Variants in KNDC1 observed in about 807,000 individuals in gnomAD.
KNDC1 encodes the protein kinase non-catalytic C-lobe domain-containing protein 1.
KNDC1 carries 106 observed loss-of-function variants against 172.8 expected under a neutral mutation model. The ratio of observed to expected loss-of-function variants is 0.61; its 90% CI spans 0.52 to 0.72. The LOEUF is 0.72. Ranked by LOEUF, KNDC1 falls within the 30% of genes least tolerant of loss-of-function variation. The pLI, the probability that KNDC1 is intolerant of heterozygous loss-of-function variation, is 0.00. For missense variants in KNDC1, 2,325 were observed against 2,394.5 expected, an observed-to-expected ratio of 0.97 and a Z score of 0.61; for synonymous variants, 1,083 against 1,062.2, an observed-to-expected ratio of 1.02 and a Z score of -0.38.
chr10:133,222,009 C>CAGCCACTCACGCCTGTAACCCTA, intron 29 of KNDC1, among the ~76,000 whole-genome samples: 1 of 143,904 alleles, frequency 6.9e-6, no homozygotes, highest in South Asian at 2.3e-4. Context: ...GGGCCGGGCG[C>CAGCCACTCACGCCTGTAACCCTA]GGTGGCTCAC....
rs1854394408 is a variant in KNDC1, at chr10:133,202,188, GC to G, written c.3387+294del. On this transcript the variant is annotated intron_variant, in intron 17 of 29. Transcript: ENST00000304613. ...CGCCCGGGCGATGGGTTCACAGGAG[GC>G]CCCTCCATGCTCGTGACCAGGTTGC... The G allele has an allele frequency of 4.4e-6, 3 of 674,282 alleles. No homozygotes were observed. In the East Asian group the frequency reaches 8.7e-5, roughly 19 times the overall value. 41.8% of individuals were successfully genotyped at this position (674,282 alleles called of 1,614,324 possible).
intron 3 of KNDC1, among the ~76,000 whole-genome samples, chr10:133,180,321 T>G (rs898953446): frequency 3.3e-5 from 5 of 152,172 alleles, no homozygotes; most frequent in African/African-American, 1.2e-4. Flanking sequence ...CCCGTATGGC[T>G]CTGCACCTCG....
intron 20 of KNDC1, among the ~76,000 whole-genome samples, chr10:133,207,850 C>T (rs146508324): frequency 6.3e-4 from 96 of 152,308 alleles, no homozygotes; most frequent in African/African-American, 2.2e-3. Context: ...AGGGAGGAGC[C>T]GCCGGGCCCA....
Position 133,198,847 on chromosome 10 carries a change from C to G in KNDC1, c.2339C>G (p.Ser780Cys), listed in dbSNP as rs777686953. ...PEGASSAAPG[S>C]PVPAPPTKAS... ...GGGGCCTCATCGGCAGCTCCCGGCT[C>G]TCCAGTCCCCGCCCCGCCCACGAAG... The change falls in exon 14 of 30, where the codon TCT (serine) becomes TGT (cysteine). Residue 780 changes from serine to cysteine, a missense_variant. Transcript: ENST00000304613. 2 of 1,599,324 alleles carry G rather than the reference C, an allele frequency of 1.3e-6. No individual in the cohort carries two copies. The highest frequency in any genetic ancestry group is 8.5e-7 in the Non-Finnish European group (1 of 1,175,654).
At chr10:133,166,098 C>A (rs1169326196) in intron 1 of KNDC1, among the ~76,000 whole-genome samples, 3 of 152,204 alleles carry the variant, frequency 2.0e-5, no homozygotes, top group Non-Finnish European at 4.4e-5. Flanking sequence ...GCCTGGGGGG[C>A]CTCTTGCAGT....
At chr10:133,218,319 G>T (rs1195920363) in intron 26 of KNDC1, among the ~76,000 whole-genome samples, 2 of 152,254 alleles carry the variant, frequency 1.3e-5, no homozygotes, top group Non-Finnish European at 2.9e-5. Context: ...ACCAAGGCCA[G>T]CAAGGTCGTC....
intron 17 of KNDC1, among the ~76,000 whole-genome samples, chr10:133,205,378 G>A (rs535388207): frequency 7.2e-5 from 11 of 152,366 alleles, no homozygotes; most frequent in African/African-American, 2.4e-4. Flanking sequence ...GGACCTGCCC[G>A]TCTGGCCTCA....
At chr10:133,204,804 A>G (rs944773117) in intron 17 of KNDC1, among the ~76,000 whole-genome samples, 1 of 152,120 alleles carries the variant, frequency 6.6e-6, no homozygotes, top group Non-Finnish European at 1.5e-5. Context: ...CGGCTCGCGG[A>G]TGAGCCCCTC....
At chr10:133,165,958 C>A (rs748420680) in intron 1 of KNDC1, among the ~76,000 whole-genome samples, 51 of 152,324 alleles carry the variant, frequency 3.3e-4, no homozygotes, top group Non-Finnish European at 7.4e-5. Flanking sequence ...AGGAGATGGA[C>A]GGGATGTGCC....
chr10:133,182,104 G>A (rs1853734641), intron 3 of KNDC1, among the ~76,000 whole-genome samples: 1 of 152,212 alleles, frequency 6.6e-6, no homozygotes, highest in African/African-American at 2.4e-5. Context: ...CCCTGAGACA[G>A]ACCCTGACAG....
rs779575778 is a variant in KNDC1 at position 133,211,407 on chromosome 10, C to T, written c.3909-15C>T. 1 of 1,609,206 alleles carries T rather than the reference C, an allele frequency of 6.2e-7. No homozygotes were observed. Among genetic ancestry groups the T allele is most frequent in the East Asian group, 2.2e-5 (1 of 44,824 alleles). Reference sequence around the variant, plus strand: ...CCCACATCCTGGCAGCTCAGCAGCTCCCCTGCGTCTCCAGGGCCCACCAGG... The same window carrying T: ...CCCACATCCTGGCAGCTCAGCAGCTTCCCTGCGTCTCCAGGGCCCACCAGG... On this transcript the variant is annotated splice_polypyrimidine_tract_variant and intron_variant, in intron 21 of 29. Transcript: ENST00000304613.
chr10:133,191,840 C>CGAGCCTG (rs751441344), intron 9 of KNDC1, among the ~76,000 whole-genome samples: 93 of 152,226 alleles, frequency 6.1e-4, no homozygotes, highest in Admixed American at 2.0e-3. Flanking sequence ...CAGCAAGGGC[C>CGAGCCTG]GAGCCTGGAG....
intron 9 of KNDC1, among the ~76,000 whole-genome samples, chr10:133,193,962 C>A (rs139602038): frequency 2.2e-4 from 33 of 152,286 alleles, no homozygotes; most frequent in African/African-American, 7.5e-4. Flanking sequence ...CAGATGAATC[C>A]ACAATTATAG....
intron 3 of KNDC1, among the ~76,000 whole-genome samples, chr10:133,171,824 C>T (rs1172595164): frequency 2.6e-5 from 4 of 151,924 alleles, no homozygotes; most frequent in African/African-American, 9.7e-5. Context: ...TTAGGTTGCC[C>T]AGGCTGGTCT....
intron 9 of KNDC1, among the ~76,000 whole-genome samples, chr10:133,192,145 G>A (rs565815671): frequency 2.0e-5 from 3 of 152,250 alleles, no homozygotes; most frequent in Admixed American, 1.3e-4. Flanking sequence ...CAGAATTAGA[G>A]GAAACTATTC....
chr10:133,211,080 C>T (rs940982705), intron 21 of KNDC1, among the ~76,000 whole-genome samples: 3 of 151,986 alleles, frequency 2.0e-5, no homozygotes, highest in East Asian at 1.9e-4. Flanking sequence ...AGGGTCCTAC[C>T]GGCCGCCAGC....
Position 133,160,282 on chromosome 10 carries a change from G to A in KNDC1, c.-186G>A, listed in dbSNP as rs1564867057. On this transcript the variant is annotated 5_prime_UTR_variant, in exon 1 of 30. Transcript: ENST00000304613. ...GCGCCGCGCAGCCCCCGCGCACCCCGCGCCCCCCGCGCCCCCCGGGCCCGC... is the reference window on the plus strand; with the variant it reads ...GCGCCGCGCAGCCCCCGCGCACCCCACGCCCCCCGCGCCCCCCGGGCCCGC... Among the ~76,000 whole-genome samples the A allele has an allele frequency of 1.1e-5, 1 of 93,844 alleles. No homozygotes were observed. Among genetic ancestry groups the A allele is most frequent in the African/African-American group, 3.1e-5 (1 of 32,150 alleles). The allele number at this position is 93,844 out of a possible 152,430, so 61.6% of individuals were successfully genotyped here. A position where few individuals can be genotyped will look rare whatever the true frequency, so the allele number is the denominator to read the frequency against.
intron 9 of KNDC1, among the ~76,000 whole-genome samples, chr10:133,192,198 C>T (rs190788556): frequency 6.6e-5 from 10 of 152,278 alleles, no homozygotes; most frequent in Admixed American, 5.2e-4. Context: ...ATAGCCAAAG[C>T]AATTTTAAGT....
intron 20 of KNDC1, among the ~76,000 whole-genome samples, chr10:133,208,790 TG>T (rs1378527374): frequency 6.6e-6 from 1 of 152,106 alleles, no homozygotes; most frequent in Non-Finnish European, 1.5e-5. Context: ...GGTGCGTTCT[TG>T]GTGTGTGTGC....
Sources: allele counts gnomAD v4.1 joint callset (sites outside exome capture counted in the v4.1 genomes callset), GRCh38; gene constraint gnomAD v4.1.1; transcripts MANE v1.5; gene names NCBI Gene and HGNC (gene_info 2026-07-23, HGNC 2026-07-21).